The following PCDH15 variants were observed in gnomAD, a reference collection of about 807,000 sequenced individuals.
The protein encoded by PCDH15 is protocadherin-15.
PCDH15 carries 129 observed loss-of-function variants against 178.5 expected under a neutral mutation model. The observed-to-expected ratio is 0.72, with a 90% CI of 0.63 to 0.84. PCDH15 has a LOEUF of 0.84. Ranked by LOEUF, PCDH15 falls within the 40% of genes least tolerant of loss-of-function variation. The pLI, the probability that PCDH15 is intolerant of heterozygous loss-of-function variation, is 0.00. For synonymous variants in PCDH15, 800 were observed against 732.0 expected (o/e 1.09, Z -1.50); for missense variants, 2,230 against 2,099.9 (o/e 1.06, Z -1.21).
At chr10:54,112,562 T>C (rs1157038979) in intron 15 of PCDH15, among the ~76,000 whole-genome samples, 1 of 152,156 alleles carries the variant, frequency 6.6e-6, no homozygotes, top group Non-Finnish European at 1.5e-5. Flanking sequence ...GTCAGAGTTA[T>C]TGTAACCAAC....
intron 18 of PCDH15, among the ~76,000 whole-genome samples, chr10:54,063,934 T>C (rs2094084565): frequency 6.6e-6 from 1 of 152,206 alleles, no homozygotes; most frequent in South Asian, 2.1e-4. Flanking sequence ...CTCCTTTTTG[T>C]TGCTCGCCAC....
chr10:53,845,447 T>A (rs566790351), intron 28 of PCDH15, among the ~76,000 whole-genome samples: 67 of 152,094 alleles, frequency 4.4e-4, no homozygotes, highest in African/African-American at 1.6e-3. Context: ...ACAGCACTAT[T>A]CACAGTAGTC....
intron 2 of PCDH15, among the ~76,000 whole-genome samples, chr10:55,519,141 T>C (rs1841094363): frequency 7.0e-6 from 1 of 142,800 alleles, no homozygotes. Context: ...TGTAAGAGAG[T>C]GTGGCTCTGA....
At chr10:55,243,471 C>A (rs1226768731) in intron 1 of PCDH15, among the ~76,000 whole-genome samples, 1 of 152,074 alleles carries the variant, frequency 6.6e-6, no homozygotes, top group Non-Finnish European at 1.5e-5. Flanking sequence ...GGTTATCTAC[C>A]ACATTCTGTT....
At chr10:54,330,675 A>T (rs1939325346) in intron 6 of PCDH15, among the ~76,000 whole-genome samples, 2 of 151,908 alleles carry the variant, frequency 1.3e-5, no homozygotes, top group Non-Finnish European at 2.9e-5. Context: ...CATGGAAGTC[A>T]TAAGGGCAAC....
At chr10:54,358,190 C>T (rs1945356474) in intron 5 of PCDH15, among the ~76,000 whole-genome samples, 2 of 149,280 alleles carry the variant, frequency 1.3e-5, no homozygotes, top group South Asian at 4.2e-4. Context: ...TAAAGAGCTT[C>T]TGCACAGCAA....
intron 2 of PCDH15, among the ~76,000 whole-genome samples, chr10:55,156,882 T>C (rs1212801628): frequency 1.3e-5 from 2 of 152,090 alleles, no homozygotes; most frequent in Admixed American, 6.6e-5. Flanking sequence ...TGGAATAGGA[T>C]AGGCTGAGAT....
intron 2 of PCDH15, among the ~76,000 whole-genome samples, chr10:54,580,663 C>A (rs552829417): frequency 6.6e-6 from 1 of 152,036 alleles, no homozygotes; most frequent in Admixed American, 6.6e-5. Flanking sequence ...AAACTACAGG[C>A]TAATATCCAT....
intron 2 of PCDH15, among the ~76,000 whole-genome samples, chr10:55,005,432 A>T (rs1839906315): frequency 6.6e-6 from 1 of 152,092 alleles, no homozygotes; most frequent in Non-Finnish European, 1.5e-5. Flanking sequence ...AACTTTAAGA[A>T]ATTTTTAATC....
At chr10:54,383,629 T>TGTG (rs371110167) in intron 3 of PCDH15, among the ~76,000 whole-genome samples, 50 of 117,588 alleles carry the variant, frequency 4.3e-4, no homozygotes, top group African/African-American at 1.6e-3. Context: ...ATGTGTGTTT[T>TGTG]TGTGTGTGTG....
chr10:54,709,302 G>T, intron 1 of PCDH15, among the ~76,000 whole-genome samples: 1 of 151,902 alleles, frequency 6.6e-6, no homozygotes, highest in Admixed American at 6.6e-5. Context: ...TCGGTTCCAA[G>T]ATTCTCCACT....
intron 1 of PCDH15, among the ~76,000 whole-genome samples, chr10:55,307,493 G>A (rs1843460061): frequency 6.6e-6 from 1 of 150,418 alleles, no homozygotes; most frequent in Non-Finnish European, 1.5e-5. Flanking sequence ...ACAGAGCAGA[G>A]CGAGACTCCA....
At chr10:54,386,101 TGTGTG>T (rs1255548624) in intron 3 of PCDH15, among the ~76,000 whole-genome samples, 1 of 590 alleles carries the variant, frequency 1.7e-3, no homozygotes, top group Non-Finnish European at 3.8e-3. Flanking sequence ...AGTTATTAGT[TGTGTG>T]TGTGTGTGTG....
intron 1 of PCDH15, among the ~76,000 whole-genome samples, chr10:55,191,321 C>A (rs1245737650): frequency 6.6e-6 from 1 of 151,606 alleles, no homozygotes; most frequent in East Asian, 1.9e-4. Flanking sequence ...AGCATAGTTA[C>A]CTATATTATT....
chr10:54,099,543 CAAAA>C (rs988385795), intron 15 of PCDH15, among the ~76,000 whole-genome samples: 1 of 101,514 alleles, frequency 9.9e-6, no homozygotes, highest in Non-Finnish European at 2.1e-5. Flanking sequence ...AAACAAAAAA[CAAAA>C]AAACAGATAA....
chr10:54,259,405 G>A (rs763357289), intron 8 of PCDH15, among the ~76,000 whole-genome samples: 4 of 152,142 alleles, frequency 2.6e-5, no homozygotes, highest in South Asian at 2.1e-4. Context: ...CAGTCTACGT[G>A]AGAGAATGGT....
intron 2 of PCDH15, among the ~76,000 whole-genome samples, chr10:54,660,469 A>G (rs1215578951): frequency 1.3e-5 from 2 of 152,140 alleles, no homozygotes; most frequent in Non-Finnish European, 2.9e-5. Context: ...TGAATTAGTA[A>G]TAAAAAATCC....
At chr10:54,231,357 T>C (rs1384157953) in intron 9 of PCDH15, among the ~76,000 whole-genome samples, 2 of 152,180 alleles carry the variant, frequency 1.3e-5, no homozygotes, top group East Asian at 3.9e-4. Context: ...CAGAGGGCAA[T>C]GGTTGAGGCT....
chr10:54,358,497 A>T (rs529701142), intron 5 of PCDH15, among the ~76,000 whole-genome samples: 1 of 152,316 alleles, frequency 6.6e-6, no homozygotes, highest in South Asian at 2.1e-4. Context: ...GCAATCATTA[A>T]AAGTCAGGGA....
Sources: allele counts gnomAD v4.1 joint callset (sites outside exome capture counted in the v4.1 genomes callset), GRCh38; gene constraint gnomAD v4.1.1; transcripts MANE v1.5; gene names NCBI Gene and HGNC (gene_info 2026-07-23, HGNC 2026-07-21).